The following LINGO2 variants were observed in gnomAD, a reference collection of about 807,000 sequenced individuals.
LINGO2 encodes the protein leucine-rich repeat and immunoglobulin-like domain-containing nogo receptor-interacting protein 2.
LINGO2 carries 14 observed loss-of-function variants against 30.6 expected under a neutral mutation model. The ratio of observed to expected loss-of-function variants is 0.46; its 90% CI spans 0.30 to 0.72. The LOEUF is 0.72. Ranked by LOEUF, LINGO2 falls within the 30% of genes least tolerant of loss-of-function variation. The pLI is 0.07. For missense variants in LINGO2, 729 were observed against 751.7 expected (o/e 0.97, Z 0.35); for synonymous variants, 317 against 288.5 (o/e 1.10, Z -1.00).
chr9:28,453,775 C>T (rs74665502), intron 2 of LINGO2, among the ~76,000 whole-genome samples: 2 of 151,686 alleles, frequency 1.3e-5, no homozygotes, highest in East Asian at 3.9e-4. Context: ...TTGGCAACCA[C>T]CTTCAGGGCC....
At chr9:28,167,151 C>T (rs933334017) in intron 4 of LINGO2, among the ~76,000 whole-genome samples, 24 of 101,322 alleles carry the variant, frequency 2.4e-4, no homozygotes, top group Non-Finnish European at 4.2e-4. Context: ...CCCCCCCCCC[C>T]ACTTTTCTTT....
the LINGO2 span, among the ~76,000 whole-genome samples, chr9:29,023,391 T>A: frequency 6.6e-6 from 1 of 152,172 alleles, no homozygotes; most frequent in Non-Finnish European, 1.5e-5. Context: ...ATTTATTTTT[T>A]AGCAAATTTC....
At chr9:28,506,471 CACACACACATACACAT>C (rs1211156359) in intron 1 of LINGO2, among the ~76,000 whole-genome samples, 14 of 7,608 alleles carry the variant, frequency 1.8e-3, no homozygotes, top group Admixed American at 5.6e-3. Flanking sequence ...CATACACACA[CACACACACATACACAT>C]ACACACACAC....
chr9:29,196,307 T>C, the LINGO2 span, among the ~76,000 whole-genome samples: 7 of 152,202 alleles, frequency 4.6e-5, no homozygotes, highest in East Asian at 1.2e-3. Flanking sequence ...GACTGATGAC[T>C]TCCTTTCTTT....
the LINGO2 span, among the ~76,000 whole-genome samples, chr9:28,828,951 C>T: frequency 6.6e-6 from 1 of 152,152 alleles, no homozygotes; most frequent in Non-Finnish European, 1.5e-5. Context: ...AGGCCCCACC[C>T]TCAAGCCTGC....
chr9:28,496,054 T>C lies in LINGO2; in HGVS notation c.-364-20029A>G, dbSNP rs990570177. ...TTGTTATAATTTCCATTCTTTTACA[T>C]TTGCTGAGGAGTGCTTTACTTCCAA... On this transcript the variant is annotated intron_variant, in intron 1 of 5. Transcript: ENST00000379992. Among the ~76,000 whole-genome samples the C allele has an allele frequency of 3.3e-5, 5 of 151,506 alleles. No individual in the cohort carries two copies. In the South Asian group the frequency reaches 1.0e-3, roughly 31 times the overall value.
the LINGO2 span, chr9:28,888,792 C>T: frequency 6.0e-6 from 3 of 499,326 alleles, no homozygotes; most frequent in East Asian, 5.7e-5. Flanking sequence ...TAAACTTATA[C>T]TCAGAACTTG....
At chr9:28,514,393 T>C (rs1820535469) in intron 1 of LINGO2, among the ~76,000 whole-genome samples, 1 of 152,186 alleles carries the variant, frequency 6.6e-6, no homozygotes, top group Admixed American at 6.5e-5. Context: ...TTTCGCCAGT[T>C]AGATAAGTTG....
chr9:29,170,892 A>G, the LINGO2 span, among the ~76,000 whole-genome samples: 2 of 152,162 alleles, frequency 1.3e-5, no homozygotes, highest in Non-Finnish European at 2.9e-5. Context: ...GATTAACATG[A>G]TGTGCTGGTT....
In LINGO2 at chr9:28,149,253, G is replaced by A. The variant is rs186557158; in HGVS notation, c.-86-136848C>T. The A allele has an allele frequency of 3.4e-5, 24 of 715,102 alleles. No individual in the cohort carries two copies. In the Admixed American group the frequency reaches 5.4e-4, roughly 16 times the overall value. 44.3% of individuals were successfully genotyped at this position (715,102 alleles called of 1,614,324 possible). A position where few individuals can be genotyped will look rare whatever the true frequency, so the allele number is the denominator to read the frequency against. ...CGCCTGTAATCAAGCACTTTGGGAG[G>A]CCCAGGCGGGCGGATCAGGAGGTCA... is the stretch of plus-strand genomic sequence containing the variant. On this transcript the variant is annotated intron_variant, in intron 4 of 5. Transcript: ENST00000379992.
chr9:28,085,744 C>A (rs1321609411), intron 4 of LINGO2, among the ~76,000 whole-genome samples: 3 of 152,118 alleles, frequency 2.0e-5, no homozygotes, highest in Non-Finnish European at 4.4e-5. Flanking sequence ...CAGGACCCAT[C>A]TGAGACAGAT....
the LINGO2 span, among the ~76,000 whole-genome samples, chr9:29,167,481 T>A: frequency 1.3e-5 from 2 of 152,124 alleles, no homozygotes; most frequent in African/African-American, 2.4e-5. Context: ...GTGACAAGAT[T>A]GCTTTGGAAT....
At chr9:28,293,034 A>C (rs1210388292) in intron 4 of LINGO2, among the ~76,000 whole-genome samples, 1 of 151,998 alleles carries the variant, frequency 6.6e-6, no homozygotes, top group African/African-American at 2.4e-5. Flanking sequence ...GGCCTCCCAA[A>C]GTGCTGGGAT....
intron 4 of LINGO2, among the ~76,000 whole-genome samples, chr9:28,106,489 AAAACTTCTTATTT>A (rs1476345915): frequency 6.6e-6 from 1 of 152,164 alleles, no homozygotes; most frequent in Non-Finnish European, 1.5e-5. Context: ...GTCGAAGAGG[AAAACTTCTTATTT>A]AATCTCATGC....
chr9:29,024,269 T>A, the LINGO2 span, among the ~76,000 whole-genome samples: 1 of 152,090 alleles, frequency 6.6e-6, no homozygotes, highest in Non-Finnish European at 1.5e-5. Context: ...CACTTTAATA[T>A]ATCTATTAAA....
chr9:28,363,237 C>G (rs1317030418), intron 3 of LINGO2, among the ~76,000 whole-genome samples: 2 of 152,220 alleles, frequency 1.3e-5, no homozygotes, highest in Admixed American at 1.3e-4. Context: ...AGCCTATGCT[C>G]TGCTTACTCT....
chr9:28,087,873 A>C (rs992191439), intron 4 of LINGO2, among the ~76,000 whole-genome samples: 2 of 151,996 alleles, frequency 1.3e-5, no homozygotes, highest in African/African-American at 4.8e-5. Context: ...AATTTCCTCC[A>C]TGGCTACCTA....
chr9:28,502,944 A>G (rs981124154), intron 1 of LINGO2, among the ~76,000 whole-genome samples: 8 of 152,110 alleles, frequency 5.3e-5, no homozygotes, highest in African/African-American at 1.9e-4. Context: ...CTGTGCAGAT[A>G]ATGTAGGCCA....
At chr9:28,151,668 GA>G (rs1429682851) in intron 4 of LINGO2, among the ~76,000 whole-genome samples, 2 of 151,656 alleles carry the variant, frequency 1.3e-5, no homozygotes, top group Non-Finnish European at 2.9e-5. Flanking sequence ...TTTGTTACTA[GA>G]AAACTCAAAA....
Sources: allele counts gnomAD v4.1 joint callset (sites outside exome capture counted in the v4.1 genomes callset), GRCh38; gene constraint gnomAD v4.1.1; transcripts MANE v1.5; gene names NCBI Gene and HGNC (gene_info 2026-07-23, HGNC 2026-07-21).